The following CCSER2 variants were observed in gnomAD, a reference collection of about 807,000 sequenced individuals.
The protein encoded by CCSER2 is serine-rich coiled-coil domain-containing protein 2.
A neutral mutation model predicts 92.3 loss-of-function variants in CCSER2; 46 were observed. The ratio of observed to expected loss-of-function variants is 0.50; its 90% CI spans 0.39 to 0.64. CCSER2 has a LOEUF of 0.64. Among genes scored for constraint, CCSER2 ranks in the 30% least tolerant of loss-of-function variants. CCSER2 has a pLI of 0.00. For missense variants in CCSER2, 1,244 were observed against 1,238.9 expected (o/e 1.00, Z -0.06); for synonymous variants, 433 against 431.4 (o/e 1.00, Z -0.04).
chr10:84,341,343 CTTTTT>C (rs35558044), intron 1 of CCSER2, among the ~76,000 whole-genome samples: 3 of 94,312 alleles, frequency 3.2e-5, no homozygotes, highest in Middle Eastern at 5.9e-3. Flanking sequence ...CTTTGTAACT[CTTTTT>C]TTTTTTTTTT....
Position 84,371,952 on chromosome 10 carries a change from G to A in CCSER2, c.900G>A (p.Lys300=). 3.1e-6 allele frequency: 5 copies of A among 1,613,824 alleles called. No individual in the cohort carries two copies. Among genetic ancestry groups the A allele is most frequent in the Non-Finnish European group, 3.4e-6 (4 of 1,179,814 alleles). ...FNRPYAAGGK[K]LALPNGPGVT... ...GGCCTTATGCTGCTGGTGGAAAGAAGTTGGCTTTACCAAATGGCCCAGGTG... is the reference window on the plus strand; with the variant it reads ...GGCCTTATGCTGCTGGTGGAAAGAAATTGGCTTTACCAAATGGCCCAGGTG... Residue 300 remains lysine (K), a synonymous_variant, in exon 2 of 10, where the codon AAG becomes AAA. Coordinates refer to ENST00000372088, the MANE Select transcript of CCSER2 (RefSeq NM_001284240.2).
Position 84,371,307 on chromosome 10 carries a change from T to C in CCSER2, c.255T>C (p.Thr85=). The C allele has an allele frequency of 6.2e-7, 1 of 1,613,632 alleles. No individual in the cohort carries two copies. Among genetic ancestry groups the C allele is most frequent in the Non-Finnish European group, 8.5e-7 (1 of 1,179,816 alleles). ...AAGGTGTCGAAGAGCCTAACAATAC[T>C]CAAAATTCACATGATAAAATAATTG... The part of the protein sequence containing the change: ...CAQGVEEPNN[T]QNSHDKIIDP... Residue 85 remains threonine, a synonymous_variant, in exon 2 of 10, where the codon ACT becomes ACC. Coordinates refer to ENST00000372088, the MANE Select transcript of CCSER2 (RefSeq NM_001284240.2).
At chr10:84,334,372 G>A (rs1033662857) in intron 1 of CCSER2, among the ~76,000 whole-genome samples, 23 of 152,068 alleles carry the variant, frequency 1.5e-4, no homozygotes, top group African/African-American at 5.6e-4. Context: ...AATGAGAACA[G>A]TCCTTTCTTT....
At chr10:84,449,094 G>T (rs1845106390) in intron 6 of CCSER2, among the ~76,000 whole-genome samples, 2 of 152,210 alleles carry the variant, frequency 1.3e-5, no homozygotes. Flanking sequence ...GAAAAATCAG[G>T]CCAGGCGCGG....
At chr10:84,441,408 CTGTT>C (rs1366200321) in intron 6 of CCSER2, among the ~76,000 whole-genome samples, 2 of 152,012 alleles carry the variant, frequency 1.3e-5, no homozygotes, top group Non-Finnish European at 2.9e-5. Flanking sequence ...TAGAGAGTTT[CTGTT>C]TGTTTTGTTT....
chr10:84,359,576 C>T (rs149178333), intron 1 of CCSER2, among the ~76,000 whole-genome samples: 16 of 152,082 alleles, frequency 1.1e-4, no homozygotes, highest in African/African-American at 3.9e-4. Flanking sequence ...CAGCCTTGGT[C>T]AGGGTAGTTA....
chr10:84,425,104 T>G, intron 4 of CCSER2: 1 of 977,970 alleles, frequency 1.0e-6, no homozygotes, highest in Non-Finnish European at 1.2e-6. Context: ...TTTTGTGGTA[T>G]TTGGGTTTAA....
At chr10:84,378,754 A>G (rs1846480463) in intron 3 of CCSER2, among the ~76,000 whole-genome samples, 1 of 152,092 alleles carries the variant, frequency 6.6e-6, no homozygotes, top group Non-Finnish European at 1.5e-5. Context: ...ATTTTTAGAA[A>G]AGAGATAGGG....
chr10:84,461,673 T>C (rs79208510), intron 6 of CCSER2, among the ~76,000 whole-genome samples: 8,796 of 151,690 alleles, frequency 0.058, 354 homozygotes, highest in Admixed American at 0.1. Flanking sequence ...TTTTTTTTTT[T>C]CCCCCTGAGA....
intron 6 of CCSER2, among the ~76,000 whole-genome samples, chr10:84,442,734 A>C (rs1355093454): frequency 6.6e-6 from 1 of 152,210 alleles, no homozygotes; most frequent in Non-Finnish European, 1.5e-5. Flanking sequence ...GCCTGACTCC[A>C]AACTATATTA....
chr10:84,400,045 G>T (rs1369324872), intron 3 of CCSER2, among the ~76,000 whole-genome samples: 1 of 151,820 alleles, frequency 6.6e-6, no homozygotes, highest in Non-Finnish European at 1.5e-5. Context: ...TTAGAGAAAT[G>T]TTTTTTCAAG....
At chr10:84,459,535 G>T (rs1056428176) in intron 6 of CCSER2, among the ~76,000 whole-genome samples, 19 of 151,824 alleles carry the variant, frequency 1.3e-4, no homozygotes, top group Admixed American at 1.2e-3. Flanking sequence ...TTTTGGGGGG[G>T]AATCAGAGAC....
intron 3 of CCSER2, chr10:84,391,171 A>C (rs1841497326): frequency 2.4e-6 from 2 of 823,156 alleles, no homozygotes; most frequent in Admixed American, 3.4e-5. Context: ...TTCAGTTGCC[A>C]CAGCACTGCA....
intron 9 of CCSER2, among the ~76,000 whole-genome samples, chr10:84,480,727 A>G (rs1055493373): frequency 5.3e-5 from 8 of 152,208 alleles, no homozygotes; most frequent in Non-Finnish European, 1.0e-4. Context: ...ATACAAGCCA[A>G]TGACAGTCAT....
rs1039377197 is a variant in CCSER2, at chr10:84,353,366, T to C, written c.-39-17648T>C. On this transcript the variant is annotated intron_variant, in intron 1 of 9. Transcript: ENST00000372088. Reference sequence around the variant, plus strand: ...TTATTCATTTGTATATACTAACATCTGTTATATGCCAGGCTCTGTGCTAGA... The same window carrying C: ...TTATTCATTTGTATATACTAACATCCGTTATATGCCAGGCTCTGTGCTAGA... Among the ~76,000 whole-genome samples, 100 of 152,314 alleles carry C rather than the reference T, an allele frequency of 6.6e-4. 1 individual carries two copies. Among genetic ancestry groups the C allele is most frequent in the Admixed American group, 4.8e-3 (73 of 15,302 alleles).
intron 6 of CCSER2, among the ~76,000 whole-genome samples, chr10:84,441,734 A>AATTTTTTTTTTT (rs1564667378): frequency 9.4e-6 from 1 of 106,410 alleles, no homozygotes; most frequent in Non-Finnish European, 1.8e-5. Flanking sequence ...GACTGGGAAA[A>AATTTTTTTTTTT]TGTTTTTTTT....
chr10:84,337,567 G>C (rs1168080105), intron 1 of CCSER2, among the ~76,000 whole-genome samples: 1 of 152,226 alleles, frequency 6.6e-6, no homozygotes, highest in African/African-American at 2.4e-5. Context: ...TCTTCAAGGA[G>C]TATGCTGTAA....
intron 3 of CCSER2, among the ~76,000 whole-genome samples, chr10:84,375,812 A>G (rs1846302728): frequency 6.9e-6 from 1 of 145,342 alleles, no homozygotes; most frequent in Admixed American, 6.8e-5. Flanking sequence ...TTACTCTGCC[A>G]TCTTATTATT....
chr10:84,396,696 C>G (rs1841860585), intron 3 of CCSER2, among the ~76,000 whole-genome samples: 1 of 151,966 alleles, frequency 6.6e-6, no homozygotes. Flanking sequence ...GGTTATGAGA[C>G]TGGCTAATTT....
Sources: gnomAD v4.1 joint callset for allele counts (sites outside exome capture counted in the v4.1 genomes callset) on GRCh38, gnomAD v4.1.1 for gene constraint, MANE v1.5 for transcripts, NCBI Gene and HGNC (gene_info 2026-07-23, HGNC 2026-07-21) for gene names.